HAUS7: variants seen among roughly 807,000 people sequenced by gnomAD.
HAUS7 encodes HAUS augmin-like complex subunit 7.
HAUS7 carries 3 observed loss-of-function variants against 28.4 expected under a neutral mutation model. That is an observed-to-expected ratio of 0.11 (90% CI 0.05 to 0.27). HAUS7 has a LOEUF of 0.27. HAUS7 is among the 10% of genes least tolerant of loss of function. The pLI, the probability that HAUS7 is intolerant of heterozygous loss-of-function variation, is 1.00. For synonymous variants in HAUS7, 165 were observed against 132.1 expected, an observed-to-expected ratio of 1.25 and a Z score of -1.71; for missense variants, 284 against 297.3, an observed-to-expected ratio of 0.96 and a Z score of 0.33.
intron 9 of HAUS7, among the ~76,000 whole-genome samples, chrX:153,450,801 A>G (rs1235753077): frequency 8.9e-6 from 1 of 112,296 alleles, no homozygotes; most frequent in Non-Finnish European, 1.9e-5. Flanking sequence ...GCGGGCATGC[A>G]GATCGCTGGG....
rs1209987373 is a variant in HAUS7, at chrX:153,470,505, T to G, written c.53A>C (p.Asp18Ala). 8.3e-7 allele frequency: 1 copy of G among 1,203,917 alleles called. No homozygotes were observed. Among genetic ancestry groups the G allele is most frequent in the Non-Finnish European group, 1.1e-6 (1 of 891,986 alleles). The change falls in exon 1 of 10, where the codon GAC (aspartate) becomes GCC (alanine). Residue 18 changes from aspartate to alanine, a missense_variant. Asp to Ala is a moderately radical substitution (Grantham distance 126, BLOSUM62 -2). Transcript: ENST00000370211. ...CGRGGDDYSEDEGDSSVSRAA... is the reference protein window; with the variant it reads ...CGRGGDDYSEAEGDSSVSRAA... ...CCTGGACACGCTGCTGTCGCCCTCG[T>G]CCTCTGAGTAGTCGTCGCCGCCACG...
chrX:153,449,676 C>T (rs1443314419), intron 9 of HAUS7, among the ~76,000 whole-genome samples: 17 of 112,109 alleles, frequency 1.5e-4, no homozygotes, highest in African/African-American at 4.9e-4. Flanking sequence ...CAGCCCTTGG[C>T]CCCTGTACTC....
chrX:153,480,305 CCCT>C (rs1419014819), intron 1 of HAUS7, among the ~76,000 whole-genome samples: 1 of 111,082 alleles, frequency 9.0e-6, no homozygotes, highest in Non-Finnish European at 1.9e-5. Context: ...AGCCCCTTAG[CCCT>C]AATGGGCCTA....
chrX:153,459,504 G>A lies in HAUS7; in HGVS notation c.355-2276C>T, dbSNP rs146329105. ...TGAACACCTGGATTTGGGCATACGT[G>A]AAGGGTGCCTGTCTACTGCAGCCCC... On this transcript the variant is annotated intron_variant, in intron 4 of 9. Transcript: ENST00000370211. Among the ~76,000 whole-genome samples the A allele has an allele frequency of 2.0e-3, 220 of 111,295 alleles. 1 individual carries two copies. Among genetic ancestry groups the A allele is most frequent in the African/African-American group, 6.8e-3 (209 of 30,590 alleles).
rs1393441539 is a variant in HAUS7, at chrX:153,481,001, C to CA, written c.-588-9857dup. The CA allele has an allele frequency of 5.3e-6, 4 of 753,781 alleles. No homozygotes were observed. The East Asian group carries it at 6.1e-4, about 115-fold the overall frequency. 62.1% of individuals were successfully genotyped at this position (753,781 alleles called of 1,213,427 possible). The stretch of plus-strand genomic sequence containing the variant: ...GGGGCCTGAAACCCAGGAGGCCCCC[C>CA]AAAGGTGAGAACTGGCCAGGACAGG... On this transcript the variant is annotated intron_variant, in intron 1 of 5. Coordinates refer to the HAUS7 transcript ENST00000370210.
intron 1 of HAUS7, chrX:153,486,603 CT>C: frequency 6.1e-6 from 6 of 979,619 alleles, no homozygotes; most frequent in Non-Finnish European, 8.0e-6. Context: ...CTTCTCTCCC[CT>C]GCTCTGCCCC....
chrX:153,462,864 G>A (rs1449759579), intron 3 of HAUS7, among the ~76,000 whole-genome samples, 193 bp from the exon 4 acceptor site: 21 of 112,954 alleles, frequency 1.9e-4, no homozygotes, highest in South Asian at 3.6e-4. Context: ...CAGCTTCCTC[G>A]TCTGAAAATT....
intron 1 of HAUS7, among the ~76,000 whole-genome samples, chrX:153,488,639 C>G (rs186897766): frequency 1.8e-5 from 2 of 112,510 alleles, no homozygotes; most frequent in Admixed American, 1.9e-4. Flanking sequence ...CAGCAGCCCA[C>G]GAGGCGCTGG....
chrX:153,468,612 C>A (rs1413998331), intron 2 of HAUS7, among the ~76,000 whole-genome samples: 2 of 112,514 alleles, frequency 1.8e-5, no homozygotes, highest in African/African-American at 6.5e-5. Context: ...CCATGCTACA[C>A]CCTGGCCCAA....
intron 1 of HAUS7, among the ~76,000 whole-genome samples, chrX:153,479,036 A>G (rs905551015): frequency 4.7e-5 from 5 of 107,376 alleles, no homozygotes; most frequent in African/African-American, 6.9e-5. Context: ...CTTTCTCTTC[A>G]GGTGGGAGCA....
At chrX:153,448,305 A>G (rs1172393956) in intron 9 of HAUS7, among the ~76,000 whole-genome samples, 1 of 104,650 alleles carries the variant, frequency 9.6e-6, no homozygotes, top group South Asian at 4.5e-4. Context: ...CAAAAAACCA[A>G]ACACCGCATG....
At position 153,483,641 on chromosome X, in the gene HAUS7, G is replaced by A. The variant is rs147961165; in HGVS notation, c.-589+11733C>T. Among the ~76,000 whole-genome samples the A allele has an allele frequency of 5.7e-3, 637 of 111,870 alleles. 5 individuals carry two copies. Among genetic ancestry groups the A allele is most frequent in the African/African-American group, 0.02 (605 of 30,794 alleles). On this transcript the variant is annotated intron_variant, in intron 1 of 5. Coordinates refer to the HAUS7 transcript ENST00000370210. ...GGCCTGGTCTTCGGTGGGTCACTGG[G>A]GTCACCTCCCTCCCTGCTTAGGTTA...
chrX:153,477,157 G>A (rs1003396412), intron 1 of HAUS7, among the ~76,000 whole-genome samples: 5 of 113,441 alleles, frequency 4.4e-5, no homozygotes, highest in Non-Finnish European at 9.4e-5. Context: ...TTCCTGCCTA[G>A]GTGGGTAGGA....
chrX:153,454,597 G>A, intron 8 of HAUS7, 89 bp from the exon 9 acceptor site: 3 of 563,624 alleles, frequency 5.3e-6, no homozygotes, highest in Non-Finnish European at 8.9e-6. Flanking sequence ...GGCATCTCCT[G>A]CTTCCCACCC....
upstream of HAUS7, among the ~76,000 whole-genome samples, chrX:153,472,963 C>A (rs782133362): frequency 1.1e-3 from 124 of 111,718 alleles, no homozygotes; most frequent in African/African-American, 3.7e-3. Flanking sequence ...GGGCCTCAGC[C>A]GTGTCAGTGC....
At chrX:153,464,900 A>G (rs2089436977) in intron 3 of HAUS7, 88 bp downstream of exon 3, 6 of 646,305 alleles carry the variant, frequency 9.3e-6, no homozygotes, top group South Asian at 4.7e-5. Context: ...TGCACCACCT[A>G]AAAGAAAACG....
chrX:153,471,550 G>A (rs1028715994), upstream of HAUS7, among the ~76,000 whole-genome samples: 1 of 112,917 alleles, frequency 8.9e-6, no homozygotes, highest in Non-Finnish European at 1.9e-5. Context: ...CCCTTACCCA[G>A]GGACCTGCTG....
In HAUS7 at chrX:153,486,879, G is replaced by C. The variant is rs781838846; in HGVS notation, c.-589+8495C>G. The stretch of plus-strand genomic sequence containing the variant: ...GGGGTGGAGGGGCAGGCTGAGGTGT[G>C]CTTGGCCTTTGCACCACTGGGAGAA... On this transcript the variant is annotated intron_variant, in intron 1 of 5. Transcript: ENST00000370210. 193 of 898,643 alleles carry C rather than the reference G, an allele frequency of 2.1e-4. No homozygotes were observed. In the South Asian group the frequency reaches 4.1e-3, roughly 19 times the overall value. The allele number at this position is 898,643 out of a possible 1,213,427, so 74.1% of individuals were successfully genotyped here.
At chrX:153,473,706 G>A (rs2089543914), upstream of HAUS7, among the ~76,000 whole-genome samples, 2 of 112,683 alleles carry the variant, frequency 1.8e-5, no homozygotes, top group Non-Finnish European at 3.8e-5. Flanking sequence ...GAGTAATGAG[G>A]TCAGGCTCAG....
Sources: allele counts gnomAD v4.1 joint callset (sites outside exome capture counted in the v4.1 genomes callset), GRCh38; gene constraint gnomAD v4.1.1; transcripts MANE v1.5; gene names NCBI Gene and HGNC (gene_info 2026-07-23, HGNC 2026-07-21).